Variants in FBXL13 observed in about 807,000 individuals in gnomAD.
FBXL13 encodes F-box and leucine-rich repeat protein 13.
In FBXL13, 67 loss-of-function variants were observed where a neutral mutation model predicts 83.6. The observed-to-expected ratio is 0.80, with a 90% CI of 0.66 to 0.98. The LOEUF is 0.98. Ranked by LOEUF, FBXL13 falls within the 50% of genes least tolerant of loss-of-function variation. FBXL13 has a pLI of 0.00. For missense variants in FBXL13, 822 were observed against 866.5 expected (o/e 0.95, Z 0.64); for synonymous variants, 272 against 299.5 (o/e 0.91, Z 0.95).
chr7:103,072,714 C>G (rs1476931867), intron 1 of FBXL13, among the ~76,000 whole-genome samples: 1 of 152,186 alleles, frequency 6.6e-6, no homozygotes, highest in African/African-American at 2.4e-5. Flanking sequence ...CCTGTGTTTC[C>G]AGCTCCCTCA....
At chr7:102,861,982 CAA>C (rs59375342) in intron 16 of FBXL13, among the ~76,000 whole-genome samples, 11 of 119,992 alleles carry the variant, frequency 9.2e-5, no homozygotes, top group Admixed American at 8.6e-5. Context: ...ACTGTGTCTC[CAA>C]AAAAAAAAAA....
chr7:102,838,179 T>G (rs996341930), intron 17 of FBXL13, among the ~76,000 whole-genome samples: 2 of 152,152 alleles, frequency 1.3e-5, no homozygotes, highest in Admixed American at 1.3e-4. Context: ...CATGAGATGT[T>G]TTGTGTCTCT....
intron 6 of FBXL13, among the ~76,000 whole-genome samples, chr7:103,017,606 A>T (rs1792522650): frequency 6.6e-6 from 1 of 152,248 alleles, no homozygotes; most frequent in South Asian, 2.1e-4. Flanking sequence ...TAACTAGAAT[A>T]ACTAGTGTAG....
intron 11 of FBXL13, among the ~76,000 whole-genome samples, chr7:102,903,939 C>CTTTTCTT (rs1321420603): frequency 0.012 from 508 of 43,150 alleles, 7 homozygotes; most frequent in East Asian, 0.057. Flanking sequence ...CTTTTCTTTT[C>CTTTTCTT]TTTTTTTTTT....
chr7:102,928,584 A>C (rs1818565936), intron 9 of FBXL13, among the ~76,000 whole-genome samples: 1 of 152,178 alleles, frequency 6.6e-6, no homozygotes, highest in Non-Finnish European at 1.5e-5. Context: ...AATTCAATGC[A>C]TTGTTTTGAC....
intron 6 of FBXL13, among the ~76,000 whole-genome samples, chr7:103,002,194 T>C (rs1353805505): frequency 6.6e-6 from 1 of 152,178 alleles, no homozygotes; most frequent in Non-Finnish European, 1.5e-5. Context: ...AGTTGTGTCA[T>C]TACCATGAGA....
intron 16 of FBXL13, among the ~76,000 whole-genome samples, chr7:102,869,609 G>C (rs1365177309): frequency 6.6e-6 from 1 of 151,954 alleles, no homozygotes; most frequent in Non-Finnish European, 1.5e-5. Context: ...CATATTTCTG[G>C]CTCTTACATT....
chr7:102,986,572 G>A (rs1201668610), intron 6 of FBXL13, among the ~76,000 whole-genome samples: 2 of 152,156 alleles, frequency 1.3e-5, no homozygotes, highest in African/African-American at 2.4e-5. Context: ...GATGTGGACT[G>A]AAGTCCAGTT....
intron 6 of FBXL13, among the ~76,000 whole-genome samples, chr7:102,993,326 T>G (rs74828396): frequency 0.011 from 1,675 of 152,346 alleles, 35 homozygotes; most frequent in African/African-American, 0.039. Context: ...TAGCTATCCA[T>G]GTTTCTTTTC....
intron 8 of FBXL13, chr7:102,944,755 C>T (rs772855752): frequency 4.1e-5 from 28 of 680,608 alleles, no homozygotes; most frequent in Middle Eastern, 4.1e-4. Flanking sequence ...ATTATTGTGA[C>T]TATTATAGTA....
At chr7:102,900,771 C>G (rs1003044291) in intron 11 of FBXL13, among the ~76,000 whole-genome samples, 3 of 152,124 alleles carry the variant, frequency 2.0e-5, no homozygotes, top group African/African-American at 7.2e-5. Context: ...ATTTCTAGTG[C>G]CTGAAACAGT....
At position 102,834,084 on chromosome 7, in the gene FBXL13, A is replaced by AAG. The variant is rs1562925752; in HGVS notation, c.1720-1111_1720-1110insCT. Among the ~76,000 whole-genome samples the AAG allele has an allele frequency of 7.2e-3, 726 of 101,064 alleles. 26 individuals carry two copies. The highest frequency in any genetic ancestry group is 0.02 in the South Asian group (60 of 3,058). The allele number at this position is 101,064 out of a possible 152,430, so 66.3% of individuals were successfully genotyped here. On this transcript the variant is annotated intron_variant, in intron 17 of 19. Coordinates refer to ENST00000313221, the Ensembl canonical transcript of FBXL13. ...AGGAAGGAAGGAAGGAAGGAAGGAA[A>AAG]GAAAAGAAAGAAAGAAAGAAAGAAA... is the stretch of plus-strand genomic sequence containing the variant.
chr7:102,878,166 T>C (rs1051709444), intron 15 of FBXL13, among the ~76,000 whole-genome samples, 165 bp downstream of exon 16: 8 of 152,218 alleles, frequency 5.3e-5, no homozygotes, highest in Admixed American at 1.3e-4. Flanking sequence ...GTCCAATCTA[T>C]GACTTCAATG....
chr7:102,988,452 T>C (rs1387681028), intron 6 of FBXL13: 1 of 151,720 alleles, frequency 6.6e-6, no homozygotes, highest in Non-Finnish European at 1.5e-5. Context: ...AAAATGGTAA[T>C]GAAAATAGAA....
intron 2 of FBXL13, among the ~76,000 whole-genome samples, chr7:103,041,489 T>C (rs1341298563): frequency 6.6e-6 from 1 of 152,210 alleles, no homozygotes; most frequent in African/African-American, 2.4e-5. Flanking sequence ...AGCATCATCC[T>C]GATACAAAAG....
intron 6 of FBXL13, among the ~76,000 whole-genome samples, chr7:103,010,577 G>A (rs1791495669): frequency 6.6e-6 from 1 of 152,120 alleles, no homozygotes; most frequent in Non-Finnish European, 1.5e-5. Flanking sequence ...TAGTGCAGTA[G>A]GGGGGTTTAG....
At chr7:102,834,916 G>T (rs1337661055) in intron 17 of FBXL13, among the ~76,000 whole-genome samples, 1 of 138,126 alleles carries the variant, frequency 7.2e-6, no homozygotes, top group Non-Finnish European at 1.6e-5. Context: ...GTGTGTGTGT[G>T]TATCAAAACA....
At chr7:102,879,135 A>C (rs1310062684) in intron 14 of FBXL13, among the ~76,000 whole-genome samples, 1 of 152,190 alleles carries the variant, frequency 6.6e-6, no homozygotes, top group Non-Finnish European at 1.5e-5. Flanking sequence ...AGATCCTTCT[A>C]AGAAGCATTT....
chr7:102,983,445 G>C (rs1305989107), intron 6 of FBXL13, among the ~76,000 whole-genome samples: 3 of 138,494 alleles, frequency 2.2e-5, no homozygotes, highest in Admixed American at 2.2e-4. Context: ...TTTTGAGTGG[G>C]GTCTCGTTCT....
Sources: allele counts gnomAD v4.1 joint callset (sites outside exome capture counted in the v4.1 genomes callset), GRCh38; gene constraint gnomAD v4.1.1; transcripts MANE v1.5; gene names NCBI Gene and HGNC (gene_info 2026-07-23, HGNC 2026-07-21).